The following GPC5 variants were observed in gnomAD, a reference collection of about 807,000 sequenced individuals.
The protein encoded by GPC5 is glypican 5.
GPC5 carries 47 observed loss-of-function variants against 53.9 expected under a neutral mutation model. That is an observed-to-expected ratio of 0.87 (90% confidence interval 0.69 to 1.11). The LOEUF (loss-of-function observed/expected upper bound fraction) is 1.11, where lower values mean the gene tolerates loss of function less well. GPC5 is among the 50% of genes most tolerant of loss of function. The pLI is 0.00. For missense variants in GPC5, 748 were observed against 713.1 expected, an observed-to-expected ratio of 1.05 and a Z score of -0.56; for synonymous variants, 286 against 263.3, an observed-to-expected ratio of 1.09 and a Z score of -0.84.
At position 91,952,802 on chromosome 13, in the gene GPC5, G is replaced by A. The variant is rs546549720; in HGVS notation, c.1401+44745G>A. 5.3e-5 allele frequency among the ~76,000 whole-genome samples: 8 copies of A among 152,184 alleles called. No homozygotes were observed. In the East Asian group the frequency reaches 1.5e-3, roughly 29 times the overall value. ...TTAGATAAATATATGGAAATAGAGA[G>A]GTTGGCTAAACTGAAACTGTGAATG... On this transcript the variant is annotated intron_variant, in intron 6 of 7. Coordinates refer to ENST00000377067, the MANE Select transcript of GPC5 (RefSeq NM_004466.6).
At chr13:92,681,048 G>T (rs1458261642) in intron 7 of GPC5, among the ~76,000 whole-genome samples, 2 of 151,620 alleles carry the variant, frequency 1.3e-5, no homozygotes, top group East Asian at 3.9e-4. Context: ...CCTTTCCCCT[G>T]TTGCTGATCC....
chr13:92,331,450 T>C (rs1447819723), intron 7 of GPC5, among the ~76,000 whole-genome samples: 2 of 152,136 alleles, frequency 1.3e-5, no homozygotes, highest in African/African-American at 4.8e-5. Flanking sequence ...AAGACTAAAT[T>C]GAAAAATAAA....
chr13:91,622,433 T>A (rs1375597273), intron 2 of GPC5, among the ~76,000 whole-genome samples: 2 of 152,212 alleles, frequency 1.3e-5, no homozygotes, highest in Non-Finnish European at 2.9e-5. Context: ...TGGCTTTTTA[T>A]ATGTTAGGCA....
intron 7 of GPC5, among the ~76,000 whole-genome samples, chr13:92,312,933 A>G (rs141198959): frequency 1.8e-4 from 28 of 152,302 alleles, no homozygotes; most frequent in Non-Finnish European, 3.5e-4. Flanking sequence ...AATACCACTA[A>G]TTAATTTCAA....
intron 6 of GPC5, among the ~76,000 whole-genome samples, chr13:92,114,696 C>G (rs1458222717): frequency 6.6e-6 from 1 of 152,192 alleles, no homozygotes; most frequent in African/African-American, 2.4e-5. Flanking sequence ...GATACACTCC[C>G]AGTTTACAGA....
At chr13:92,291,215 G>C (rs1044903631) in intron 7 of GPC5, among the ~76,000 whole-genome samples, 1 of 152,174 alleles carries the variant, frequency 6.6e-6, no homozygotes, top group Non-Finnish European at 1.5e-5. Flanking sequence ...GACCACCCAA[G>C]GGCTGAGGAG....
chr13:92,755,197 A>T (rs1372947156), intron 7 of GPC5, among the ~76,000 whole-genome samples: 1 of 140,232 alleles, frequency 7.1e-6, no homozygotes, highest in Non-Finnish European at 1.5e-5. Context: ...GCTCAACTAC[A>T]TGGAAACTGA....
At chr13:92,198,124 C>G (rs980461372) in intron 7 of GPC5, among the ~76,000 whole-genome samples, 4 of 152,174 alleles carry the variant, frequency 2.6e-5, no homozygotes, top group Non-Finnish European at 5.9e-5. Context: ...AATAATTCAG[C>G]CATCCCCCAA....
intron 7 of GPC5, among the ~76,000 whole-genome samples, chr13:92,415,191 G>A (rs1876233556): frequency 6.6e-6 from 1 of 152,084 alleles, no homozygotes; most frequent in African/African-American, 2.4e-5. Flanking sequence ...ATAACTTAAT[G>A]TTTCATCTTT....
intron 7 of GPC5, among the ~76,000 whole-genome samples, chr13:92,589,398 G>C (rs1883645415): frequency 6.6e-6 from 1 of 152,128 alleles, no homozygotes; most frequent in Non-Finnish European, 1.5e-5. Context: ...TGAGGCTAGA[G>C]ACAATATTCT....
intron 7 of GPC5, among the ~76,000 whole-genome samples, chr13:92,351,694 A>C (rs1338383790): frequency 6.6e-6 from 1 of 152,168 alleles, no homozygotes; most frequent in African/African-American, 2.4e-5. Flanking sequence ...CAGAAATTTC[A>C]GTTGCATTTC....
intron 7 of GPC5, among the ~76,000 whole-genome samples, chr13:92,817,880 T>C (rs1003550575): frequency 6.6e-6 from 1 of 151,964 alleles, no homozygotes; most frequent in African/African-American, 2.4e-5. Flanking sequence ...GCTTTTTAAT[T>C]TGTCTCTTGA....
chr13:92,135,114 T>C (rs2041773278), intron 6 of GPC5, among the ~76,000 whole-genome samples: 1 of 152,156 alleles, frequency 6.6e-6, no homozygotes, highest in African/African-American at 2.4e-5. Context: ...CCTTGTTTTT[T>C]TCCCTTACTC....
chr13:92,498,348 G>A (rs964217322), intron 7 of GPC5, among the ~76,000 whole-genome samples: 6 of 152,048 alleles, frequency 3.9e-5, no homozygotes, highest in African/African-American at 9.7e-5. Context: ...GGATTTACAC[G>A]CATGCTCACT....
chr13:91,485,308 G>A (rs937504628), intron 2 of GPC5, among the ~76,000 whole-genome samples: 3 of 151,354 alleles, frequency 2.0e-5, no homozygotes, highest in Non-Finnish European at 1.5e-5. Flanking sequence ...TGCCTCCCAG[G>A]TTCAAGCGGT....
At chr13:91,425,319 T>A in intron 1 of GPC5, among the ~76,000 whole-genome samples, 1 of 152,232 alleles carries the variant, frequency 6.6e-6, no homozygotes, top group East Asian at 1.9e-4. Flanking sequence ...ACCTATTTCC[T>A]GGGTGAACTA....
chr13:92,314,776 A>G (rs1345895340), intron 7 of GPC5, among the ~76,000 whole-genome samples: 3 of 152,024 alleles, frequency 2.0e-5, no homozygotes, highest in Non-Finnish European at 2.9e-5. Context: ...TTTTATTTTT[A>G]TTTATTTATT....
chr13:92,474,029 TA>T (rs1566606086), intron 7 of GPC5, among the ~76,000 whole-genome samples: 1 of 152,166 alleles, frequency 6.6e-6, no homozygotes, highest in African/African-American at 2.4e-5. Flanking sequence ...ATTGCCTTGC[TA>T]AAGTCCCAAA....
intron 6 of GPC5, among the ~76,000 whole-genome samples, chr13:91,955,726 G>T (rs192768068): frequency 1.9e-3 from 291 of 152,304 alleles, no homozygotes; most frequent in Non-Finnish European, 3.5e-3. Context: ...ATAATAGCTT[G>T]TGCTGCATTC....
Sources: allele counts gnomAD v4.1 joint callset (sites outside exome capture counted in the v4.1 genomes callset), GRCh38; gene constraint gnomAD v4.1.1; transcripts MANE v1.5; gene names NCBI Gene and HGNC (gene_info 2026-07-23, HGNC 2026-07-21).